ZNF429: variants seen among roughly 807,000 people sequenced by gnomAD.
The protein encoded by ZNF429 is zinc finger protein 429.
A neutral mutation model predicts 56.8 loss-of-function variants in ZNF429; 53 were observed. That is an observed-to-expected ratio of 0.93 (90% CI 0.75 to 1.17). The LOEUF is 1.17. Among genes scored for constraint, ZNF429 ranks in the 50% most tolerant of loss-of-function variants. ZNF429 has a pLI of 0.00. For missense variants in ZNF429, 849 were observed against 788.4 expected (o/e 1.08, Z -0.92); for synonymous variants, 278 against 264.7 (o/e 1.05, Z -0.49).
intron 3 of ZNF429, among the ~76,000 whole-genome samples, chr19:21,531,086 A>C: frequency 2.8e-5 from 4 of 141,200 alleles, no homozygotes; most frequent in Admixed American, 2.3e-4. Flanking sequence ...AGCCTGGGCA[A>C]CAAGAGTGAA....
At chr19:21,522,059 G>C (rs2033003400) in intron 1 of ZNF429, among the ~76,000 whole-genome samples, 2 of 152,160 alleles carry the variant, frequency 1.3e-5, no homozygotes, top group Admixed American at 1.3e-4. Flanking sequence ...GTAAGCAGGA[G>C]TGCTCTAGCC....
chr19:21,508,148 A>T (rs2650834), intron 1 of ZNF429, among the ~76,000 whole-genome samples: 28,155 of 151,488 alleles, frequency 0.19, 2,642 homozygotes, highest in Middle Eastern at 0.22. Flanking sequence ...GCTACTCAGG[A>T]GGCTGAGGCA....
In ZNF429 at chr19:21,535,343, C is replaced by T; in HGVS notation, c.227-937C>T. 3.2e-3 allele frequency among the ~76,000 whole-genome samples: 284 copies of T among 88,274 alleles called. 49 individuals carry two copies. The highest frequency in any genetic ancestry group is 0.01 in the African/African-American group (254 of 24,372). The allele number at this position is 88,274 out of a possible 152,430, so 57.9% of individuals were successfully genotyped here. A position where few individuals can be genotyped will look rare whatever the true frequency, so the allele number is the denominator to read the frequency against. On this transcript the variant is annotated intron_variant, in intron 3 of 3. Transcript: ENST00000358491. ...TCTTTCTTTCTCTTTTCTTTTCTTT[C>T]CTTTCCTTTCTTTTCTTCTTTCTTT...
intron 2 of ZNF429, 102 bp from the exon 3 acceptor site, chr19:21,530,487 T>G: frequency 1.5e-6 from 1 of 673,038 alleles, no homozygotes. Context: ...TGGGCATTAA[T>G]TTACTAGAAT....
intron 3 of ZNF429, among the ~76,000 whole-genome samples, chr19:21,535,448 CT>C: frequency 1.8e-5 from 1 of 54,430 alleles, no homozygotes; most frequent in Non-Finnish European, 3.6e-5. Flanking sequence ...TTCTTTCTTT[CT>C]TTCTTTCTTT....
rs547407403 is a variant in ZNF429, at chr19:21,539,384, G to T, written c.*1306G>T. On this transcript the variant is annotated 3_prime_UTR_variant, in exon 4 of 4. Coordinates refer to ENST00000358491, the MANE Select transcript of ZNF429 (RefSeq NM_001001415.4). Reference sequence around the variant, plus strand: ...AATTATTTGTATATAACTTTTAAAAGAGTGGAAGATATTTTGCAAAGTTAT... The same window carrying T: ...AATTATTTGTATATAACTTTTAAAATAGTGGAAGATATTTTGCAAAGTTAT... Among the ~76,000 whole-genome samples, 1 of 152,022 alleles carries T rather than the reference G, an allele frequency of 6.6e-6. No individual in the cohort carries two copies. Among genetic ancestry groups the T allele is most frequent in the Non-Finnish European group, 1.5e-5 (1 of 68,000 alleles).
At position 21,536,455 on chromosome 19, in the gene ZNF429, C is replaced by T. The variant is rs1455673465; in HGVS notation, c.402C>T (p.Asn134=). ...KLYKGGYNGL[N]QCLTLTQSKM... ...ACAAAGGAGGTTATAATGGACTTAA[C>T]CAATGTTTGACACTTACCCAGAGCA... The change falls in exon 4 of 4, where the codon AAC becomes AAT. Residue 134 remains asparagine (N), a synonymous_variant. Coordinates refer to ENST00000358491, the MANE Select transcript of ZNF429 (RefSeq NM_001001415.4). 3 of 1,613,504 alleles carry T rather than the reference C, an allele frequency of 1.9e-6. No individual in the cohort carries two copies. The highest frequency in any genetic ancestry group is 1.1e-5 in the South Asian group (1 of 91,034).
rs950326066 is a variant in ZNF429 at position 21,539,114 on chromosome 19, A to G, written c.*1036A>G. 9.8e-6 allele frequency among the ~76,000 whole-genome samples: 1 copy of G among 101,620 alleles called. No individual in the cohort carries two copies. The highest frequency in any genetic ancestry group is 2.3e-5 in the Non-Finnish European group (1 of 44,384). 66.7% of individuals were successfully genotyped at this position (101,620 alleles called of 152,430 possible). A position where few individuals can be genotyped will look rare whatever the true frequency, so the allele number is the denominator to read the frequency against. ...AACAATGGAGAGTTTATATTAACAT[A>G]TATTTTTGCATATGGCCATATGTAT... On this transcript the variant is annotated 3_prime_UTR_variant, in exon 4 of 4. Coordinates refer to ENST00000358491, the MANE Select transcript of ZNF429 (RefSeq NM_001001415.4).
Position 21,537,214 on chromosome 19 carries a change from TA to T in ZNF429, c.1168del (p.Ile390PhefsTer294). The T allele has an allele frequency of 6.2e-7, 1 of 1,613,636 alleles. No homozygotes were observed. Among genetic ancestry groups the T allele is most frequent in the Non-Finnish European group, 8.5e-7 (1 of 1,179,858 alleles). ...FNQSSRLTRH[K>X]KIHTGEEPYK... ...ACCAGTCTTCAAGACTTACTCGACA[TA>T]AAAAAATTCATACTGGAGAGGAACC... is the stretch of plus-strand genomic sequence containing the variant. On this transcript the variant is annotated frameshift_variant, in exon 4 of 4. Transcript: ENST00000358491. LOFTEE classifies it high-confidence loss of function.
chr19:21,536,601 G>T lies in ZNF429; in HGVS notation c.548G>T (p.Cys183Phe). 1.2e-6 allele frequency: 2 copies of T among 1,613,752 alleles called. No individual in the cohort carries two copies. The highest frequency in any genetic ancestry group is 1.7e-6 in the Non-Finnish European group (2 of 1,179,852). ...FQCKKCGKSFCMLSQLTQHKK... is the reference protein window; with the variant it reads ...FQCKKCGKSFFMLSQLTQHKK... ...TGTAAAAAATGTGGCAAATCATTTT[G>T]CATGCTTTCACAACTAACTCAACAT... The change falls in exon 4 of 4, where the codon TGC (cysteine) becomes TTC (phenylalanine). Residue 183 changes from cysteine to phenylalanine, a missense_variant. Cys to Phe is a radical substitution (Grantham distance 205). Coordinates refer to ENST00000358491, the MANE Select transcript of ZNF429 (RefSeq NM_001001415.4).
chr19:21,524,801 C>T (rs1159083012), intron 1 of ZNF429, among the ~76,000 whole-genome samples: 1 of 152,076 alleles, frequency 6.6e-6, no homozygotes, highest in Non-Finnish European at 1.5e-5. Flanking sequence ...TGGTTAATTC[C>T]GCTTCTGTTT....
chr19:21,536,729 G>A lies in ZNF429; in HGVS notation c.676G>A (p.Glu226Lys), dbSNP rs1043321618. Residue 226 changes from glutamate (E) to lysine (K), a missense_variant, in exon 4 of 4, where the codon GAG becomes AAG. Glu to Lys is a moderately conservative substitution (Grantham distance 56). Coordinates refer to ENST00000358491, the MANE Select transcript of ZNF429 (RefSeq NM_001001415.4). ...TAACCATAAGAGAATTTATGTTGGTGAGAAACACTACAGATGTGAAGAATG... is the reference window on the plus strand; with the variant it reads ...TAACCATAAGAGAATTTATGTTGGTAAGAAACACTACAGATGTGAAGAATG... ...LTNHKRIYVGEKHYRCEECGK... is the reference protein window; with the variant it reads ...LTNHKRIYVGKKHYRCEECGK... 5 of 1,613,740 alleles carry A rather than the reference G, an allele frequency of 3.1e-6. No homozygotes were observed. The highest frequency in any genetic ancestry group is 4.2e-6 in the Non-Finnish European group (5 of 1,179,964).
chr19:21,530,271 T>C, intron 2 of ZNF429, among the ~76,000 whole-genome samples: 2 of 152,150 alleles, frequency 1.3e-5, no homozygotes, highest in African/African-American at 4.8e-5. Flanking sequence ...ACCTGAACTT[T>C]CCATATTCCT....
Position 21,536,202 on chromosome 19 carries a change from C to T in ZNF429, c.227-78C>T. ...TGTGTTGCTTACGTAGTTTTTATAA[C>T]TTTAGAGGTTTTGTTTGTGACGTAT... On this transcript the variant is annotated intron_variant, in intron 3 of 3. Coordinates refer to ENST00000358491, the MANE Select transcript of ZNF429 (RefSeq NM_001001415.4). The T allele has an allele frequency of 3.5e-4, 491 of 1,409,354 alleles. 2 individuals are homozygous for T. The highest frequency in any genetic ancestry group is 4.5e-4 in the Non-Finnish European group (472 of 1,054,304). 87.3% of individuals were successfully genotyped at this position (1,409,354 alleles called of 1,614,324 possible). A position where few individuals can be genotyped will look rare whatever the true frequency, so the allele number is the denominator to read the frequency against.
intron 3 of ZNF429, among the ~76,000 whole-genome samples, chr19:21,533,125 A>T: frequency 6.6e-6 from 1 of 151,464 alleles, no homozygotes; most frequent in Non-Finnish European, 1.5e-5. Flanking sequence ...GGTGTTTTTA[A>T]AAAAATTTAC....
intron 3 of ZNF429, among the ~76,000 whole-genome samples, chr19:21,532,973 G>A: frequency 6.6e-6 from 1 of 151,616 alleles, no homozygotes; most frequent in Non-Finnish European, 1.5e-5. Context: ...AGGATTACAG[G>A]CATGATCCAC....
chr19:21,534,793 T>A, intron 3 of ZNF429, among the ~76,000 whole-genome samples: 9 of 6,726 alleles, frequency 1.3e-3, no homozygotes, highest in African/African-American at 4.4e-3. Context: ...GTTTTTTGTG[T>A]TTTTTTTTTT....
chr19:21,538,002 A>G lies in ZNF429; in HGVS notation c.1949A>G (p.His650Arg). ...KKIHRMGVVA[H>R]ACNPSTLGGR... ...ATTCATAGGATGGGTGTGGTGGCTC[A>G]TGCCTGTAATCCCAGCACTTTGGGA... Residue 650 changes from histidine to arginine, a missense_variant, in exon 4 of 4, where the codon CAT becomes CGT. Transcript: ENST00000358491. 6.2e-7 allele frequency: 1 copy of G among 1,613,204 alleles called. No individual in the cohort carries two copies. The highest frequency in any genetic ancestry group is 1.3e-5 in the African/African-American group (1 of 74,820).
chr19:21,532,784 G>A, intron 3 of ZNF429, among the ~76,000 whole-genome samples: 7 of 151,040 alleles, frequency 4.6e-5, no homozygotes, highest in Admixed American at 1.3e-4. Flanking sequence ...CTGCAACCTC[G>A]GCCTCCCGGG....
Sources: allele counts gnomAD v4.1 joint callset (sites outside exome capture counted in the v4.1 genomes callset), GRCh38; gene constraint gnomAD v4.1.1; transcripts MANE v1.5; gene names NCBI Gene and HGNC (gene_info 2026-07-23, HGNC 2026-07-21).